Variants in RNF220 observed in about 807,000 individuals in gnomAD.
The protein encoded by RNF220 is ring finger protein 220, also known as E3 ubiquitin-protein ligase RNF220.
In RNF220, 7 loss-of-function variants were observed where a neutral mutation model predicts 67.1. That is an observed-to-expected ratio of 0.10 (90% CI 0.06 to 0.20). The LOEUF is 0.20. Ranked by LOEUF, RNF220 falls within the 10% of genes least tolerant of loss-of-function variation. RNF220 has a pLI of 1.00. For synonymous variants in RNF220, 270 were observed against 283.2 expected (o/e 0.95, Z 0.47); for missense variants, 565 against 740.3 (o/e 0.76, Z 2.75).
rs1197583833 is a variant in RNF220, at chr1:44,565,275, C to A, written c.626-48890C>A. ...GCCAGTTGGGTACCAATCTGGAAGC[C>A]TGGGGAAAATGCAGGGAGGGAGGGA... is the stretch of plus-strand genomic sequence containing the variant. On this transcript the variant is annotated intron_variant, in intron 2 of 14. Coordinates refer to ENST00000361799, the MANE Select transcript of RNF220 (RefSeq NM_018150.4). The surrounding 1 kb of genome is among the most constrained non-coding windows in gnomAD (Gnocchi z 4.2). Among the ~76,000 whole-genome samples, 1 of 135,272 alleles carries A rather than the reference C, an allele frequency of 7.4e-6. No individual in the cohort carries two copies. Among genetic ancestry groups the A allele is most frequent in the Non-Finnish European group, 1.6e-5 (1 of 63,266 alleles). 88.7% of individuals were successfully genotyped at this position (135,272 alleles called of 152,430 possible).
intron 2 of RNF220, among the ~76,000 whole-genome samples, chr1:44,455,254 C>A (rs60167864): frequency 6.6e-6 from 1 of 152,044 alleles, no homozygotes; most frequent in Non-Finnish European, 1.5e-5. Flanking sequence ...GGGCATAGGA[C>A]ACACCAAAAT....
At chr1:44,520,922 G>T (rs1049684001) in intron 2 of RNF220, among the ~76,000 whole-genome samples, 3 of 152,098 alleles carry the variant, frequency 2.0e-5, no homozygotes, top group Admixed American at 6.5e-5. Flanking sequence ...TTGAGATGAG[G>T]TCTCACTCTC....
intron 2 of RNF220, among the ~76,000 whole-genome samples, chr1:44,455,423 AG>A (rs1249684869): frequency 6.6e-6 from 1 of 152,220 alleles, no homozygotes; most frequent in Non-Finnish European, 1.5e-5. Context: ...GGCAGCGGTG[AG>A]TGCATGGAGC....
intron 2 of RNF220, among the ~76,000 whole-genome samples, chr1:44,530,832 G>A (rs945772583): frequency 2.0e-5 from 3 of 152,052 alleles, no homozygotes; most frequent in Non-Finnish European, 4.4e-5. Context: ...GCATGGTGGT[G>A]CACTCCTGTA....
At chr1:44,637,138 G>A (rs1193641251) in intron 8 of RNF220, among the ~76,000 whole-genome samples, 5 of 152,244 alleles carry the variant, frequency 3.3e-5, no homozygotes, top group African/African-American at 1.2e-4. Flanking sequence ...CTGGGAAGAA[G>A]TTCTCTGCCT....
rs1643840340 is a variant in RNF220 at position 44,622,475 on chromosome 1, G to C, written c.759-267G>C. 6.6e-6 allele frequency among the ~76,000 whole-genome samples: 1 copy of C among 152,298 alleles called. No homozygotes were observed. The highest frequency in any genetic ancestry group is 2.1e-4 in the South Asian group (1 of 4,826). On this transcript the variant is annotated intron_variant, in intron 3 of 14. Transcript: ENST00000361799. This position sits in a 1 kb window ranked among gnomAD's most constrained non-coding sequence, Gnocchi z 4.3. The stretch of plus-strand genomic sequence containing the variant: ...GAGTCAGGTAAAGCCCCTTTCTTCA[G>C]ATCCACTGGGAAATCTACCATGCCT...
intron 6 of RNF220, among the ~76,000 whole-genome samples, chr1:44,633,506 A>G (rs1045514712): frequency 1.8e-4 from 28 of 152,200 alleles, no homozygotes; most frequent in Non-Finnish European, 1.3e-4. Flanking sequence ...TAGAAGATGA[A>G]TGGGAAGGTG....
At chr1:44,527,500 G>T (rs1660468155) in intron 2 of RNF220, among the ~76,000 whole-genome samples, 2 of 152,100 alleles carry the variant, frequency 1.3e-5, no homozygotes, top group African/African-American at 4.8e-5. Flanking sequence ...ATGTACACCT[G>T]TAATCTCAGC....
intron 2 of RNF220, among the ~76,000 whole-genome samples, chr1:44,542,759 C>A (rs1179328276): frequency 6.6e-6 from 1 of 152,218 alleles, no homozygotes; most frequent in Non-Finnish European, 1.5e-5. Flanking sequence ...GGGAGCCCAG[C>A]CTTGGGACGT....
chr1:44,613,455 G>A (rs550568495), intron 2 of RNF220, among the ~76,000 whole-genome samples: 73 of 152,316 alleles, frequency 4.8e-4, no homozygotes, highest in African/African-American at 7.2e-4. Context: ...CAACAGAGGC[G>A]GTTTAAACAT....
intron 2 of RNF220, among the ~76,000 whole-genome samples, chr1:44,552,159 C>T (rs1176513510): frequency 6.6e-6 from 1 of 152,176 alleles, no homozygotes; most frequent in Admixed American, 6.5e-5. Flanking sequence ...AACTTGTGAG[C>T]AGGAAAACTC....
intron 2 of RNF220, among the ~76,000 whole-genome samples, chr1:44,569,598 A>G (rs1471137452): frequency 6.6e-6 from 1 of 152,250 alleles, no homozygotes; most frequent in African/African-American, 2.4e-5. Flanking sequence ...CTTTGCTGCC[A>G]GAGGCACCGC....
chr1:44,493,428 C>A (rs12144435), intron 2 of RNF220, among the ~76,000 whole-genome samples: 1 of 152,014 alleles, frequency 6.6e-6, no homozygotes, highest in Non-Finnish European at 1.5e-5. Flanking sequence ...GCAGGAGAAT[C>A]GCTTGAACCT....
chr1:44,502,747 A>AATTATT (rs75429220), intron 2 of RNF220, among the ~76,000 whole-genome samples: 123 of 151,286 alleles, frequency 8.1e-4, no homozygotes, highest in Middle Eastern at 3.4e-3. Context: ...AAAACGTGTG[A>AATTATT]ATTATTATTA....
At chr1:44,485,714 G>A (rs189981210) in intron 2 of RNF220, among the ~76,000 whole-genome samples, 2 of 152,212 alleles carry the variant, frequency 1.3e-5, no homozygotes. Context: ...AATAATAGAG[G>A]CCCCAGTTAC....
rs546492110 is a variant in RNF220 at position 44,555,648 on chromosome 1, C to G, written c.626-58517C>G. ...TGCCACCATGCCTAGCTAATTTTTTCTATTTTTTAGTAGAGACAGGGTTTC... is the reference window on the plus strand; with the variant it reads ...TGCCACCATGCCTAGCTAATTTTTTGTATTTTTTAGTAGAGACAGGGTTTC... On this transcript the variant is annotated intron_variant, in intron 2 of 14. Transcript: ENST00000361799. Among the ~76,000 whole-genome samples, 432 of 149,994 alleles carry G rather than the reference C, an allele frequency of 2.9e-3. 26 individuals carry two copies. The highest frequency in any genetic ancestry group is 0.01 in the African/African-American group (415 of 39,950).
chr1:44,525,395 C>T (rs1370635170), intron 2 of RNF220, among the ~76,000 whole-genome samples: 1 of 152,232 alleles, frequency 6.6e-6, no homozygotes, highest in African/African-American at 2.4e-5. Flanking sequence ...AGACGCATCT[C>T]ATCAAATCCT....
At chr1:44,639,226 T>TGACTAAGGAGCCATGC (rs1644418417) in intron 8 of RNF220, among the ~76,000 whole-genome samples, 1 of 152,154 alleles carries the variant, frequency 6.6e-6, no homozygotes, top group Non-Finnish European at 1.5e-5. Context: ...AGGAGGTGTG[T>TGACTAAGGAGCCATGC]GACTAAGGAG....
At chr1:44,490,339 G>A (rs1262779274) in intron 2 of RNF220, among the ~76,000 whole-genome samples, 9 of 151,878 alleles carry the variant, frequency 5.9e-5, no homozygotes, top group South Asian at 2.1e-4. Context: ...GCGTGGTGGC[G>A]AGCGCCTGTA....
Sources: gnomAD v4.1 joint callset for allele counts (sites outside exome capture counted in the v4.1 genomes callset) on GRCh38, gnomAD v4.1.1 for gene constraint, Gnocchi (gnomAD v3.1) non-coding constraint, MANE v1.5 for transcripts, NCBI Gene and HGNC (gene_info 2026-07-23, HGNC 2026-07-21) for gene names.